Variants in VPS13A observed in about 807,000 individuals in gnomAD.
The protein encoded by VPS13A is vacuolar protein sorting 13 homolog A.
In VPS13A, 264 loss-of-function variants were observed where a neutral mutation model predicts 390.9. The observed-to-expected ratio is 0.68, with a 90% CI of 0.61 to 0.75. VPS13A has a LOEUF of 0.75. Ranked by LOEUF, VPS13A falls within the 30% of genes least tolerant of loss-of-function variation. The probability of loss-of-function intolerance (pLI) is 0.00; values close to 1 mark genes in which losing one functional copy is unlikely to be tolerated. For missense variants in VPS13A, 3,409 were observed against 3,733.9 expected (o/e 0.91, Z 2.27); for synonymous variants, 1,231 against 1,227.1 (o/e 1.00, Z -0.07).
Position 77,339,496 on chromosome 9 carries a change from T to G in VPS13A, c.6379-20T>G, listed in dbSNP as rs577151483. ...TGCAACATTTTAAATTTTGTTTTGT[T>G]TTTTTTTTTTTTATTACAGGGAATT... is the stretch of plus-strand genomic sequence containing the variant. On this transcript the variant is annotated intron_variant, in intron 47 of 71. Transcript: ENST00000360280. The G allele has an allele frequency of 3.9e-5, 54 of 1,383,466 alleles. No individual in the cohort carries two copies. Among genetic ancestry groups the G allele is most frequent in the Admixed American group, 1.9e-4 (8 of 42,004 alleles). 85.7% of individuals were successfully genotyped at this position (1,383,466 alleles called of 1,614,324 possible).
chr9:77,393,392 A>T (rs913096714), intron 68 of VPS13A, among the ~76,000 whole-genome samples: 2 of 152,182 alleles, frequency 1.3e-5, no homozygotes, highest in Non-Finnish European at 2.9e-5. Flanking sequence ...GTTACTATTG[A>T]TATTTTGACC....
At chr9:77,252,492 TA>T in intron 22 of VPS13A, 140 bp downstream of exon 22, 1 of 805,068 alleles carries the variant, frequency 1.2e-6, no homozygotes. Flanking sequence ...TGGTAAAATG[TA>T]TATAAAATTT....
chr9:77,348,127 G>T (rs967354835), intron 52 of VPS13A, among the ~76,000 whole-genome samples: 11 of 152,126 alleles, frequency 7.2e-5, no homozygotes, highest in African/African-American at 2.7e-4. Flanking sequence ...TCCTGGGTAT[G>T]TACTCAAAGG....
At chr9:77,204,960 A>G (rs1825551495) in intron 3 of VPS13A, among the ~76,000 whole-genome samples, 1 of 152,120 alleles carries the variant, frequency 6.6e-6, no homozygotes, top group South Asian at 2.1e-4. Flanking sequence ...TAAAAAATAT[A>G]GGTTTAGAGT....
chr9:77,371,091 G>A lies in VPS13A; in HGVS notation c.9019G>A (p.Ala3007Thr). Residue 3007 changes from alanine (A) to threonine (T), a missense_variant, in exon 67 of 72, where the codon GCA (alanine) becomes ACA (threonine). Coordinates refer to ENST00000360280, the MANE Select transcript of VPS13A (RefSeq NM_033305.3). ...GVGKGLVGAVARPTGGIIDMA... is the reference protein window; with the variant it reads ...GVGKGLVGAVTRPTGGIIDMA... ...TGGGAAAGGTTTAGTAGGAGCGGTA[G>A]CAAGGCCAACTGGAGGCATCATAGA... is the stretch of plus-strand genomic sequence containing the variant. 6.2e-7 allele frequency: 1 copy of A among 1,614,156 alleles called. No homozygotes were observed. The highest frequency in any genetic ancestry group is 1.1e-5 in the South Asian group (1 of 91,082).
chr9:77,260,664 C>A (rs1825709241), intron 23 of VPS13A, among the ~76,000 whole-genome samples: 1 of 151,382 alleles, frequency 6.6e-6, no homozygotes, highest in Non-Finnish European at 1.5e-5. Flanking sequence ...CAGAAAATTA[C>A]ATGTTGAGAG....
intron 45 of VPS13A, among the ~76,000 whole-genome samples, chr9:77,324,287 A>T (rs1829892603): frequency 6.6e-6 from 1 of 152,134 alleles, no homozygotes. Flanking sequence ...TCTTGTTTAT[A>T]TTGCCTATCA....
chr9:77,325,654 G>A (rs1285498881), intron 45 of VPS13A, among the ~76,000 whole-genome samples: 2 of 147,760 alleles, frequency 1.4e-5, no homozygotes, highest in Admixed American at 6.8e-5. Flanking sequence ...ATACTTCCTT[G>A]TCTTTTTGTT....
Position 77,344,210 on chromosome 9 carries a change from A to C in VPS13A, c.7084A>C (p.Ser2362Arg), listed in dbSNP as rs778240514. ...SSKLLIQVER[S>R]EDPPKRIYFN... ...TAAACTTCTTATTCAAGTCGAAAGG[A>C]GTGAAGATCCTCCCAAAAGGATATA... is the stretch of plus-strand genomic sequence containing the variant. The change falls in exon 51 of 72, where the codon AGT (serine) becomes CGT (arginine). Residue 2362 changes from serine (S) to arginine (R), a missense_variant. By Grantham distance (110) the Ser-to-Arg change is moderately radical. Transcript: ENST00000360280. 4.3e-6 allele frequency: 7 copies of C among 1,612,862 alleles called. No individual in the cohort carries two copies. The South Asian group carries it at 7.7e-5, about 18-fold the overall frequency.
At chr9:77,366,443 T>A (rs1832435209) in intron 60 of VPS13A, among the ~76,000 whole-genome samples, 1 of 152,126 alleles carries the variant, frequency 6.6e-6, no homozygotes, top group Non-Finnish European at 1.5e-5. Flanking sequence ...AGATTTTTAA[T>A]GTTATTAACA....
At chr9:77,192,772 T>A (rs960232249) in intron 1 of VPS13A, among the ~76,000 whole-genome samples, 1 of 152,160 alleles carries the variant, frequency 6.6e-6, no homozygotes, top group Non-Finnish European at 1.5e-5. Flanking sequence ...CCCTTTATTA[T>A]TTTTTTCTTT....
intron 33 of VPS13A, among the ~76,000 whole-genome samples, chr9:77,297,081 TA>T (rs1199221582): frequency 1.3e-5 from 2 of 152,078 alleles, no homozygotes; most frequent in South Asian, 2.1e-4. Flanking sequence ...TTTTTGGTTT[TA>T]TTTTTTTTTC....
At chr9:77,403,799 G>A (rs1834484266) in intron 69 of VPS13A, among the ~76,000 whole-genome samples, 1 of 152,122 alleles carries the variant, frequency 6.6e-6, no homozygotes, top group East Asian at 1.9e-4. Context: ...AATACACAGG[G>A]GCATAGCCTC....
intron 59 of VPS13A, among the ~76,000 whole-genome samples, chr9:77,364,443 A>G (rs552444188): frequency 6.6e-6 from 1 of 150,656 alleles, no homozygotes; most frequent in Non-Finnish European, 1.5e-5. Context: ...ACAAACAAAC[A>G]AAAAAAAACC....
intron 29 of VPS13A, among the ~76,000 whole-genome samples, chr9:77,282,967 AC>A (rs904788954): frequency 8.6e-5 from 13 of 151,930 alleles, no homozygotes; most frequent in African/African-American, 2.9e-4. Context: ...AAAAAAAAAA[AC>A]AAAAAAGAGT....
intron 5 of VPS13A, among the ~76,000 whole-genome samples, chr9:77,206,758 CTGTT>C (rs1289245770): frequency 6.6e-6 from 1 of 152,096 alleles, no homozygotes; most frequent in Admixed American, 6.6e-5. Flanking sequence ...ACCTAGTCAT[CTGTT>C]TATGTTCTTC....
chr9:77,194,369 G>T (rs566146068), intron 1 of VPS13A, among the ~76,000 whole-genome samples: 8 of 151,884 alleles, frequency 5.3e-5, no homozygotes, highest in Admixed American at 2.6e-4. Flanking sequence ...GTTGGGGGGG[G>T]CGCTCAAATC....
chr9:77,235,695 G>T (rs1317019433), intron 17 of VPS13A, among the ~76,000 whole-genome samples: 1 of 151,962 alleles, frequency 6.6e-6, no homozygotes, highest in Non-Finnish European at 1.5e-5. Context: ...CCACTTGATG[G>T]TCTCCCACTT....
Position 77,314,798 on chromosome 9 carries a change from G to C in VPS13A, c.4412+134G>C. On this transcript the variant is annotated intron_variant, in intron 37 of 71. Coordinates refer to ENST00000360280, the MANE Select transcript of VPS13A (RefSeq NM_033305.3). Reference sequence around the variant, plus strand: ...TTTAAAGCTTCAATTCAGTCAGCTCGTAGTACTCGGTTAACATTTAAAATG... The same window carrying C: ...TTTAAAGCTTCAATTCAGTCAGCTCCTAGTACTCGGTTAACATTTAAAATG... 5.1e-6 allele frequency: 4 copies of C among 786,264 alleles called. No individual in the cohort carries two copies. In the South Asian group the frequency reaches 6.1e-5, roughly 12 times the overall value. The allele number at this position is 786,264 out of a possible 1,614,324, so 48.7% of individuals were successfully genotyped here. A position where few individuals can be genotyped will look rare whatever the true frequency, so the allele number is the denominator to read the frequency against.
Sources: allele counts gnomAD v4.1 joint callset (sites outside exome capture counted in the v4.1 genomes callset), GRCh38; gene constraint gnomAD v4.1.1; transcripts MANE v1.5; gene names NCBI Gene and HGNC (gene_info 2026-07-23, HGNC 2026-07-21).